Variants in RTEL1 observed in about 807,000 individuals in gnomAD.
RTEL1 encodes the protein regulator of telomere length.
A neutral mutation model predicts 162.2 loss-of-function variants in RTEL1; 86 were observed. The ratio of observed to expected loss-of-function variants is 0.53; its 90% confidence interval spans 0.45 to 0.63. The LOEUF (loss-of-function observed/expected upper bound fraction) is 0.63. RTEL1 is among the 30% of genes least tolerant of loss of function. The pLI, the probability that RTEL1 is intolerant of heterozygous loss-of-function variation, is 0.00. For missense variants in RTEL1, 1,941 were observed against 1,750.2 expected, an observed-to-expected ratio of 1.11 and a Z score of -1.95; for synonymous variants, 958 against 717.9, an observed-to-expected ratio of 1.33 and a Z score of -5.35.
In RTEL1 at chr20:63,681,526, T is replaced by C. The variant is rs2090477628; in HGVS notation, c.1191+807T>C. On this transcript the variant is annotated intron_variant, in intron 14 of 34. Transcript: ENST00000360203. Reference sequence around the variant, plus strand: ...GCTGCCCAGCGCTATGACAGCTTCATGAGTGTCCATCTGGCCTGTGGGGTG... The same window carrying C: ...GCTGCCCAGCGCTATGACAGCTTCACGAGTGTCCATCTGGCCTGTGGGGTG... 5 of 984,180 alleles carry C rather than the reference T, an allele frequency of 5.1e-6. No homozygotes were observed. The South Asian group carries it at 1.9e-4, about 37-fold the overall frequency. 61.0% of individuals were successfully genotyped at this position (984,180 alleles called of 1,614,324 possible). A position where few individuals can be genotyped will look rare whatever the true frequency, so the allele number is the denominator to read the frequency against.
chr20:63,690,104 C>A lies in RTEL1; in HGVS notation c.2159C>A (p.Ala720Glu). Residue 720 changes from alanine (A) to glutamate (E), a missense_variant, in exon 25 of 35, where the codon GCA (alanine) becomes GAA (glutamate). Ala to Glu is a moderately radical substitution (Grantham distance 107). Transcript: ENST00000360203. ...CCCCCCAGGTTCGCCTTTGCCGACGCAAGAGCCCAACTGCCCTCCTGGGTG... is the reference window on the plus strand; with the variant it reads ...CCCCCCAGGTTCGCCTTTGCCGACGAAAGAGCCCAACTGCCCTCCTGGGTG... Reference protein sequence around the residue: ...LCDHRFAFADARAQLPSWVRP... With the variant: ...LCDHRFAFADERAQLPSWVRP... The A allele has an allele frequency of 6.2e-7, 1 of 1,611,882 alleles. No homozygotes were observed. Among genetic ancestry groups the A allele is most frequent in the East Asian group, 2.2e-5 (1 of 44,874 alleles).
In RTEL1 at chr20:63,659,342, G is replaced by T; in HGVS notation, c.-61G>T. 2 of 1,289,156 alleles carry T rather than the reference G, an allele frequency of 1.6e-6. No homozygotes were observed. The highest frequency in any genetic ancestry group is 2.3e-6 in the Non-Finnish European group (2 of 887,172). The allele number at this position is 1,289,156 out of a possible 1,614,324, so 79.9% of individuals were successfully genotyped here. ...CTAAGATGTTCGGAGTGGTTTTTTC[G>T]CACAGACCCGAATAGCCTGCCCCTC... On this transcript the variant is annotated 5_prime_UTR_variant, in exon 2 of 35. Coordinates refer to ENST00000360203, the MANE Select transcript of RTEL1 (RefSeq NM_001283009.2).
chr20:63,695,912 AGCTCT>A lies in RTEL1; in HGVS notation c.*56_*60del. Reference sequence around the variant, plus strand: ...ACGTGGCTTGATCACCTGCCTGTCCAGCTCTGGTGGGCCAAGAACCCACCCAACAG... The same window carrying A: ...ACGTGGCTTGATCACCTGCCTGTCCAGGTGGGCCAAGAACCCACCCAACAG... On this transcript the variant is annotated 3_prime_UTR_variant, in exon 35 of 35. Transcript: ENST00000360203. 6.6e-7 allele frequency: 1 copy of A among 1,514,176 alleles called. No individual in the cohort carries two copies. The highest frequency in any genetic ancestry group is 8.9e-7 in the Non-Finnish European group (1 of 1,119,508). The allele number at this position is 1,514,176 out of a possible 1,614,324, so 93.8% of individuals were successfully genotyped here.
chr20:63,661,007 C>G lies in RTEL1; in HGVS notation c.103-291C>G, dbSNP rs2090008885. On this transcript the variant is annotated intron_variant, in intron 2 of 34. Transcript: ENST00000360203. The surrounding 1 kb of genome is among the most constrained non-coding windows in gnomAD (Gnocchi z 5.1). ...CGCAGAACAGTTTCCTATTTTGAGA[C>G]TTGACACCTAATTAGTCATCTTACT... Among the ~76,000 whole-genome samples, 1 of 152,254 alleles carries G rather than the reference C, an allele frequency of 6.6e-6. No individual in the cohort carries two copies.
intron 7 of RTEL1, among the ~76,000 whole-genome samples, chr20:63,666,781 T>C (rs2090137051): frequency 1.3e-5 from 2 of 151,624 alleles, no homozygotes; most frequent in Non-Finnish European, 1.5e-5. Flanking sequence ...CCACCTGCCT[T>C]GGCCTCCCAA....
chr20:63,680,821 A>G (rs1486053625), intron 14 of RTEL1, 102 bp downstream of exon 14: 2 of 1,561,160 alleles, frequency 1.3e-6, no homozygotes, highest in Non-Finnish European at 1.8e-6. Context: ...GGGATGGGAG[A>G]AAGGCCCCTA....
chr20:63,674,102 A>G lies in RTEL1; in HGVS notation c.919+9A>G, dbSNP rs370171576. ...GGACTCCCCCAGCCCAGGTGCGTTC[A>G]TAGCCAGACTGCTTGGTCCTGAGGC... On this transcript the variant is annotated intron_variant, in intron 10 of 34. Transcript: ENST00000360203. The G allele has an allele frequency of 1.2e-6, 2 of 1,604,470 alleles. No individual in the cohort carries two copies. Among genetic ancestry groups the G allele is most frequent in the Middle Eastern group, 1.8e-4 (1 of 5,468 alleles).
intron 6 of RTEL1, among the ~76,000 whole-genome samples, chr20:63,664,098 A>G (rs1008466885): frequency 5.3e-5 from 8 of 152,196 alleles, no homozygotes; most frequent in Admixed American, 4.6e-4. Context: ...GTGGTTGTCC[A>G]GGCCTTTTTG....
chr20:63,690,443 T>C lies in RTEL1; in HGVS notation c.2413+2T>C. 7.5e-7 allele frequency: 1 copy of C among 1,326,350 alleles called. No individual in the cohort carries two copies. The highest frequency in any genetic ancestry group is 1.0e-6 in the Non-Finnish European group (1 of 999,982). The allele number at this position is 1,326,350 out of a possible 1,614,324, so 82.2% of individuals were successfully genotyped here. A position where few individuals can be genotyped will look rare whatever the true frequency, so the allele number is the denominator to read the frequency against. ...CCAGCCTGAAGCAGAGGTCCTCAGG[T>C]GCGGACGGGCAGCGCTGGGTGGGCG... On this transcript the variant is annotated splice_donor_variant, in intron 26 of 34. Transcript: ENST00000360203. LOFTEE classifies it high-confidence loss of function.
intron 30 of RTEL1, 127 bp from the exon 31 acceptor site, chr20:63,694,230 CCCAGGCGTGTACCTG>C: frequency 1.4e-6 from 1 of 715,322 alleles, no homozygotes. Context: ...GCCCCCAGCA[CCCAGGCGTGTACCTG>C]CCTGGGTTTT....
At chr20:63,678,490 G>T in intron 12 of RTEL1, 144 bp downstream of exon 12, 1 of 709,006 alleles carries the variant, frequency 1.4e-6, no homozygotes, top group Non-Finnish European at 2.3e-6. Flanking sequence ...AGGAGCACCT[G>T]CTTTGCATGA....
intron 10 of RTEL1, among the ~76,000 whole-genome samples, chr20:63,675,612 C>T (rs1360943629): frequency 6.6e-6 from 1 of 152,140 alleles, no homozygotes; most frequent in Non-Finnish European, 1.5e-5. Context: ...CTCCTGGGCT[C>T]ATGGGATCTT....
chr20:63,690,703 C>A (rs1019978203), intron 26 of RTEL1, 102 bp from the exon 27 acceptor site: 351 of 1,341,598 alleles, frequency 2.6e-4, no homozygotes, highest in Middle Eastern at 8.0e-4. Context: ...ACAGGCAGGA[C>A]CCCAAGTGCT....
At chr20:63,687,427 C>A in intron 16 of RTEL1, 2 of 567,464 alleles carry the variant, frequency 3.5e-6, no homozygotes, top group East Asian at 3.0e-5. Context: ...ACTCCCAGGA[C>A]CCCCTGTCCC....
At chr20:63,658,164 T>A (rs2089946605), upstream of RTEL1, 2 of 152,172 alleles carry the variant, frequency 1.3e-5, no homozygotes, top group Non-Finnish European at 1.5e-5. Context: ...CTGTGGGCGA[T>A]GGAAGTGAGG....
At position 63,673,966 on chromosome 20, in the gene RTEL1, C is replaced by T. The variant is rs768600790; in HGVS notation, c.792C>T (p.Ser264=). The T allele has an allele frequency of 6.2e-6, 10 of 1,613,632 alleles. No homozygotes were observed. The highest frequency in any genetic ancestry group is 7.6e-6 in the Non-Finnish European group (9 of 1,179,680). The change falls in exon 10 of 35, where the codon TCC becomes TCT. Residue 264 remains serine (S), a synonymous_variant. Transcript: ENST00000360203. ...NVEKMCEESA[S]FDLTPHDLAS... Reference sequence around the variant, plus strand: ...AGAAGATGTGTGAAGAATCGGCATCCTTTGACCTGACTCCCCATGACCTGG... The same window carrying T: ...AGAAGATGTGTGAAGAATCGGCATCTTTTGACCTGACTCCCCATGACCTGG...
intron 14 of RTEL1, among the ~76,000 whole-genome samples, chr20:63,685,280 A>G (rs900050823): frequency 6.6e-6 from 1 of 152,060 alleles, no homozygotes; most frequent in Non-Finnish European, 1.5e-5. Flanking sequence ...GGGCTGCCGC[A>G]TTTTCAGTGC....
At chr20:63,694,347 T>C (rs368361148) in intron 30 of RTEL1, 25 bp from the exon 31 acceptor site, 55 of 1,414,072 alleles carry the variant, frequency 3.9e-5, no homozygotes, top group Non-Finnish European at 5.2e-5. Context: ...TCGACCAGCT[T>C]TGTGGCTCTA....
In RTEL1 at chr20:63,694,752, A is replaced by C. The variant is rs371159583; in HGVS notation, c.3121A>C (p.Ser1041Arg). 3 of 1,604,172 alleles carry C rather than the reference A, an allele frequency of 1.9e-6. No individual in the cohort carries two copies. Among genetic ancestry groups the C allele is most frequent in the Non-Finnish European group, 2.6e-6 (3 of 1,175,282 alleles). The change falls in exon 32 of 35, where the codon AGC (serine) becomes CGC (arginine). Residue 1041 changes from serine to arginine, a missense_variant. Coordinates refer to ENST00000360203, the MANE Select transcript of RTEL1 (RefSeq NM_001283009.2). The part of the protein sequence containing the change: ...PRPPPTGDPG[S>R]QPQWGSGVPR... ...TACTCCCACACCAGGAGACCCTGGC[A>C]GCCAACCACAGTGGGGGTCTGGAGT...
Sources: gnomAD v4.1 joint callset for allele counts (sites outside exome capture counted in the v4.1 genomes callset) on GRCh38, gnomAD v4.1.1 for gene constraint, Gnocchi (gnomAD v3.1) non-coding constraint, MANE v1.5 for transcripts, NCBI Gene and HGNC (gene_info 2026-07-23, HGNC 2026-07-21) for gene names.